The following ITFG1 variants were observed in gnomAD, a reference collection of about 807,000 sequenced individuals.
ITFG1 encodes integrin alpha FG-GAP repeat containing 1.
Under a neutral mutation model 81.8 loss-of-function variants are expected in ITFG1, and 34 were observed. That is an observed-to-expected ratio of 0.42 (90% CI 0.32 to 0.55). The LOEUF (loss-of-function observed/expected upper bound fraction) is 0.55. ITFG1 is among the 20% of genes least tolerant of loss of function. The probability of loss-of-function intolerance (pLI) is 0.17; values close to 1 mark genes in which losing one functional copy is unlikely to be tolerated. For synonymous variants in ITFG1, 285 were observed against 270.6 expected, an observed-to-expected ratio of 1.05 and a Z score of -0.52; for missense variants, 672 against 755.4, an observed-to-expected ratio of 0.89 and a Z score of 1.29.
intron 13 of ITFG1, among the ~76,000 whole-genome samples, chr16:47,226,476 CTCG>C (rs1244598701): frequency 6.6e-6 from 1 of 151,800 alleles, no homozygotes; most frequent in Non-Finnish European, 1.5e-5. Context: ...CACCCATTAA[CTCG>C]TCATTTAGCA....
At position 47,440,975 on chromosome 16, in the gene ITFG1, A is replaced by T. The variant is rs962163135; in HGVS notation, c.560+10421T>A. 2.2e-4 allele frequency among the ~76,000 whole-genome samples: 34 copies of T among 152,230 alleles called. 1 individual carries two copies. The highest frequency in any genetic ancestry group is 2.2e-3 in the Admixed American group (34 of 15,284). On this transcript the variant is annotated intron_variant, in intron 5 of 17. Coordinates refer to ENST00000320640, the MANE Select transcript of ITFG1 (RefSeq NM_030790.5). ...AAAGAAGAAAAGAGAGAAGAATCAA[A>T]TAGACGCAATAAAAAATGACAAAGG... is the stretch of plus-strand genomic sequence containing the variant.
At chr16:47,408,693 C>A (rs1467432212) in intron 6 of ITFG1, among the ~76,000 whole-genome samples, 1 of 152,138 alleles carries the variant, frequency 6.6e-6, no homozygotes, top group East Asian at 1.9e-4. Context: ...CTTGTCACAG[C>A]TGAGATCTTA....
At position 47,311,306 on chromosome 16, in the gene ITFG1, T is replaced by C. The variant is rs757311646; in HGVS notation, c.1004A>G (p.His335Arg). Residue 335 changes from histidine (H) to arginine (R), a missense_variant, in exon 10 of 18, where the codon CAT (histidine) becomes CGT (arginine). By Grantham distance (29) the His-to-Arg change is conservative (BLOSUM62 0). This residue lies in a region of ITFG1 where 560 missense variants were observed against 625.7 expected (regional missense o/e 0.90). Coordinates refer to ENST00000320640, the MANE Select transcript of ITFG1 (RefSeq NM_030790.5). ...GCCATCCATATTGTAGTCTCCAATATGAAGGGTAATTGGAATTGGTATTTC... is the reference window on the plus strand; with the variant it reads ...GCCATCCATATTGTAGTCTCCAATACGAAGGGTAATTGGAATTGGTATTTC... ...PTEIPIPITL[H>R]IGDYNMDGYP... is the part of the protein sequence containing the mutation. The C allele has an allele frequency of 3.1e-6, 5 of 1,612,304 alleles. No homozygotes were observed. The highest frequency in any genetic ancestry group is 4.2e-6 in the Non-Finnish European group (5 of 1,178,462).
rs61015312 is a variant in ITFG1 at position 47,445,111 on chromosome 16, T to TA, written c.560+6284dup. On this transcript the variant is annotated intron_variant, in intron 5 of 17. Transcript: ENST00000320640. ...GCTTCATGTTAAGAGAAATGTACAT[T>TA]AAAAAAAAAAAAAAAAGAAAAACTG... Among the ~76,000 whole-genome samples, 432 of 131,918 alleles carry TA rather than the reference T, an allele frequency of 3.3e-3. 1 individual carries two copies. Among genetic ancestry groups the TA allele is most frequent in the Middle Eastern group, 4.1e-3 (1 of 246 alleles). The allele number at this position is 131,918 out of a possible 152,430, so 86.5% of individuals were successfully genotyped here. A position where few individuals can be genotyped will look rare whatever the true frequency, so the allele number is the denominator to read the frequency against.
chr16:47,378,112 C>T (rs931166031), intron 6 of ITFG1, among the ~76,000 whole-genome samples: 2 of 152,152 alleles, frequency 1.3e-5, no homozygotes. Flanking sequence ...TAGGGATTAA[C>T]AGCCACAGAG....
At chr16:47,329,700 T>C (rs1044463195) in intron 8 of ITFG1, among the ~76,000 whole-genome samples, 1 of 152,166 alleles carries the variant, frequency 6.6e-6, no homozygotes, top group Non-Finnish European at 1.5e-5. Context: ...ACAACTCAAA[T>C]TGTGTTATTA....
At chr16:47,404,136 A>C (rs1452804301) in intron 6 of ITFG1, among the ~76,000 whole-genome samples, 1 of 152,110 alleles carries the variant, frequency 6.6e-6, no homozygotes, top group African/African-American at 2.4e-5. Flanking sequence ...CTGGGGCCAA[A>C]AGGGTTGGGG....
intron 6 of ITFG1, among the ~76,000 whole-genome samples, chr16:47,382,923 G>C (rs1451330522): frequency 8.5e-5 from 13 of 152,128 alleles, no homozygotes; most frequent in Admixed American, 8.5e-4. Context: ...TGAATTGTTA[G>C]GAGAAATGTA....
At chr16:47,393,307 G>T (rs2151596586) in intron 6 of ITFG1, among the ~76,000 whole-genome samples, 1 of 152,246 alleles carries the variant, frequency 6.6e-6, no homozygotes, top group Non-Finnish European at 1.5e-5. Flanking sequence ...TATTCCTTTA[G>T]CATAATTAGA....
intron 8 of ITFG1, among the ~76,000 whole-genome samples, chr16:47,325,340 T>C (rs1458227601): frequency 1.3e-5 from 2 of 152,080 alleles, no homozygotes. Flanking sequence ...TAGAGGGAAA[T>C]TTATAGCACT....
chr16:47,441,648 C>T (rs1205353230), intron 5 of ITFG1, among the ~76,000 whole-genome samples: 1 of 152,136 alleles, frequency 6.6e-6, no homozygotes, highest in Non-Finnish European at 1.5e-5. Flanking sequence ...GCTAAAAACT[C>T]TCAATAAATT....
chr16:47,334,668 C>G (rs983560888), intron 8 of ITFG1, among the ~76,000 whole-genome samples: 2 of 152,142 alleles, frequency 1.3e-5, no homozygotes, highest in Non-Finnish European at 2.9e-5. Flanking sequence ...ATAATTTCAA[C>G]TCTGACAAAC....
intron 8 of ITFG1, chr16:47,317,798 C>A (rs1211439538): frequency 6.6e-6 from 1 of 152,212 alleles, no homozygotes; most frequent in East Asian, 1.9e-4. Flanking sequence ...GAATAAACTT[C>A]TTTTCTTGCT....
chr16:47,368,946 T>A (rs1968215256), intron 7 of ITFG1, among the ~76,000 whole-genome samples: 1 of 152,150 alleles, frequency 6.6e-6, no homozygotes, highest in African/African-American at 2.4e-5. Context: ...ATTAGACATG[T>A]GACAGAGTTG....
At chr16:47,460,753 G>A (rs1764996522) in intron 1 of ITFG1, 85 bp downstream of exon 1, 5 of 1,413,232 alleles carry the variant, frequency 3.5e-6, no homozygotes, top group African/African-American at 1.4e-5. Context: ...AAATGCAGAA[G>A]GACCGGCCAT....
chr16:47,323,976 T>C (rs1056552332), intron 8 of ITFG1, among the ~76,000 whole-genome samples: 3 of 152,222 alleles, frequency 2.0e-5, no homozygotes, highest in Non-Finnish European at 4.4e-5. Context: ...GTATTAAATG[T>C]GCTATGAAAT....
chr16:47,374,631 A>C (rs1408058588), intron 7 of ITFG1, among the ~76,000 whole-genome samples: 1 of 152,226 alleles, frequency 6.6e-6, no homozygotes, highest in African/African-American at 2.4e-5. Context: ...TGGGGACTTA[A>C]TGTACGGCAG....
At chr16:47,393,962 C>T (rs1968564090) in intron 6 of ITFG1, among the ~76,000 whole-genome samples, 1 of 152,076 alleles carries the variant, frequency 6.6e-6, no homozygotes, top group South Asian at 2.1e-4. Context: ...TAGGTTAGGA[C>T]TCATCCTAAA....
At chr16:47,439,029 G>A (rs539122013) in intron 5 of ITFG1, among the ~76,000 whole-genome samples, 11 of 152,264 alleles carry the variant, frequency 7.2e-5, no homozygotes, top group African/African-American at 2.2e-4. Context: ...CGAGAACTAC[G>A]TGACGAATGC....
Sources: gnomAD v4.1 joint callset for allele counts (sites outside exome capture counted in the v4.1 genomes callset) on GRCh38, gnomAD v4.1.1 for gene constraint, gnomAD v4.1.1 regional missense constraint, MANE v1.5 for transcripts, NCBI Gene and HGNC (gene_info 2026-07-23, HGNC 2026-07-21) for gene names.